RABGAP1: variants seen among roughly 807,000 people sequenced by gnomAD.
RABGAP1 encodes rab GTPase-activating protein 1.
Under a neutral mutation model 137.6 loss-of-function variants are expected in RABGAP1, and 23 were observed. The ratio of observed to expected loss-of-function variants is 0.17; its 90% CI spans 0.12 to 0.24. The LOEUF is 0.24. Among genes scored for constraint, RABGAP1 ranks in the 10% least tolerant of loss-of-function variants. The pLI is 1.00. For missense variants in RABGAP1, 906 were observed against 1,275.8 expected, an observed-to-expected ratio of 0.71 and a Z score of 4.42; for synonymous variants, 451 against 450.7, an observed-to-expected ratio of 1.00 and a Z score of -0.01.
intron 2 of RABGAP1, among the ~76,000 whole-genome samples, chr9:122,962,570 A>T (rs978771176): frequency 6.6e-6 from 1 of 152,208 alleles, no homozygotes; most frequent in East Asian, 1.9e-4. Context: ...AGAGGAACTA[A>T]CAAGGATACA....
intron 1 of RABGAP1, among the ~76,000 whole-genome samples, chr9:122,941,983 T>G (rs1403088471): frequency 1.3e-5 from 2 of 152,278 alleles, no homozygotes; most frequent in Non-Finnish European, 2.9e-5. Context: ...TTTTAAATCA[T>G]GTTCCAACTT....
chr9:122,979,535 A>G (rs74463282), intron 2 of RABGAP1, among the ~76,000 whole-genome samples: 1,612 of 152,268 alleles, frequency 0.011, 28 homozygotes, highest in African/African-American at 0.033. Context: ...AGAAATCTCT[A>G]TGTCACAAGA....
chr9:123,072,712 T>C (rs2034393836), intron 15 of RABGAP1, among the ~76,000 whole-genome samples: 1 of 152,252 alleles, frequency 6.6e-6, no homozygotes, highest in Non-Finnish European at 1.5e-5. Context: ...TGATCTGCTA[T>C]GCTTTTCTCA....
chr9:123,030,769 C>T (rs1455325145), intron 13 of RABGAP1, among the ~76,000 whole-genome samples: 1 of 152,100 alleles, frequency 6.6e-6, no homozygotes, highest in Non-Finnish European at 1.5e-5. Flanking sequence ...TGGTATGGAA[C>T]ACTAGAATGA....
chr9:122,966,664 AG>A, intron 2 of RABGAP1, among the ~76,000 whole-genome samples: 1 of 152,368 alleles, frequency 6.6e-6, no homozygotes, highest in East Asian at 1.9e-4. Context: ...AGAAATCAGC[AG>A]AAAAAACTGA....
At chr9:123,084,126 A>G (rs191643248) in intron 19 of RABGAP1, among the ~76,000 whole-genome samples, 1 of 152,238 alleles carries the variant, frequency 6.6e-6, no homozygotes, top group Non-Finnish European at 1.5e-5. Context: ...ATGATCTATG[A>G]TAGAGTAAAA....
intron 13 of RABGAP1, among the ~76,000 whole-genome samples, chr9:123,032,217 T>C (rs1049934485): frequency 1.9e-4 from 29 of 152,200 alleles, no homozygotes; most frequent in African/African-American, 6.8e-4. Flanking sequence ...TGCTAGGTGT[T>C]GGTAAGCCTT....
chr9:123,030,784 A>G (rs139787690), intron 13 of RABGAP1, among the ~76,000 whole-genome samples: 2,054 of 152,274 alleles, frequency 0.013, 13 homozygotes, highest in Non-Finnish European at 0.022. Context: ...GAATGAGTCT[A>G]TGTTATGGTT....
chr9:123,022,784 A>G (rs752515126), intron 13 of RABGAP1, among the ~76,000 whole-genome samples: 21 of 152,106 alleles, frequency 1.4e-4, no homozygotes, highest in Non-Finnish European at 2.8e-4. Context: ...AACCACCATA[A>G]TATTTGTGAA....
chr9:123,090,468 T>C (rs2035001278), intron 21 of RABGAP1, 83 bp downstream of exon 21: 2 of 1,155,676 alleles, frequency 1.7e-6, no homozygotes, highest in Non-Finnish European at 1.2e-6. Flanking sequence ...ATTTTAGTGA[T>C]TGTTATTCTA....
chr9:122,943,412 C>T (rs1340175557), intron 1 of RABGAP1, among the ~76,000 whole-genome samples: 1 of 152,100 alleles, frequency 6.6e-6, no homozygotes, highest in African/African-American at 2.4e-5. Flanking sequence ...TTACAGTTAA[C>T]GCATTGACAT....
At chr9:122,982,465 C>T (rs1393824855) in intron 2 of RABGAP1, among the ~76,000 whole-genome samples, 1 of 152,202 alleles carries the variant, frequency 6.6e-6, no homozygotes, top group Non-Finnish European at 1.5e-5. Context: ...CAAAACAGTA[C>T]TTCACAGCAT....
chr9:123,084,751 C>A (rs913864504), intron 19 of RABGAP1, among the ~76,000 whole-genome samples: 7 of 152,174 alleles, frequency 4.6e-5, no homozygotes, highest in Admixed American at 4.6e-4. Context: ...GTGCTAGGAA[C>A]TTTTCTGAGG....
At chr9:123,020,158 C>A (rs2031530074) in intron 12 of RABGAP1, 151 bp from the exon 13 acceptor site, 1 of 540,614 alleles carries the variant, frequency 1.8e-6, no homozygotes, top group South Asian at 7.1e-5. Flanking sequence ...ATCTTGGCCT[C>A]ATCTAATTCA....
chr9:123,093,332 G>T (rs926117813), intron 21 of RABGAP1, among the ~76,000 whole-genome samples: 5 of 152,194 alleles, frequency 3.3e-5, no homozygotes, highest in African/African-American at 1.2e-4. Context: ...CAAGCTTTCT[G>T]TATGAAATGG....
chr9:123,003,589 AG>A (rs1215550121), intron 10 of RABGAP1, among the ~76,000 whole-genome samples: 3 of 152,224 alleles, frequency 2.0e-5, no homozygotes, highest in Non-Finnish European at 4.4e-5. Flanking sequence ...ATGCTTTTTA[AG>A]ACCTGTTTAA....
At chr9:123,061,158 G>A (rs1441017142) in intron 13 of RABGAP1, among the ~76,000 whole-genome samples, 1 of 152,086 alleles carries the variant, frequency 6.6e-6, no homozygotes, top group African/African-American at 2.4e-5. Flanking sequence ...CTCTCTTACT[G>A]CCCAGGCTGG....
At chr9:122,982,052 A>C (rs1311236121) in intron 2 of RABGAP1, among the ~76,000 whole-genome samples, 1 of 151,746 alleles carries the variant, frequency 6.6e-6, no homozygotes, top group Non-Finnish European at 1.5e-5. Flanking sequence ...CTGTCTCAAA[A>C]AAAAAAAAAA....
At chr9:122,968,439 T>C (rs538573875) in intron 2 of RABGAP1, among the ~76,000 whole-genome samples, 1 of 152,210 alleles carries the variant, frequency 6.6e-6, no homozygotes, top group South Asian at 2.1e-4. Flanking sequence ...GTCAGGCTGG[T>C]ACTGAATTCG....
Sources: gnomAD v4.1 joint callset for allele counts (sites outside exome capture counted in the v4.1 genomes callset) on GRCh38, gnomAD v4.1.1 for gene constraint, MANE v1.5 for transcripts, NCBI Gene and HGNC (gene_info 2026-07-23, HGNC 2026-07-21) for gene names.